The following DNM3 variants were observed in gnomAD, a reference collection of about 807,000 sequenced individuals.
DNM3 encodes the protein dynamin 3.
A neutral mutation model predicts 101.6 loss-of-function variants in DNM3; 47 were observed. The observed-to-expected ratio is 0.46, with a 90% confidence interval of 0.37 to 0.59. DNM3 has a LOEUF of 0.59. Ranked by LOEUF, DNM3 falls within the 20% of genes least tolerant of loss-of-function variation. DNM3 has a pLI of 0.00. For missense variants in DNM3, 849 were observed against 1,085.7 expected (o/e 0.78, Z 3.06); for synonymous variants, 385 against 387.9 (o/e 0.99, Z 0.09).
intron 14 of DNM3, among the ~76,000 whole-genome samples, chr1:172,183,330 T>G (rs2059411498): frequency 6.6e-6 from 1 of 152,118 alleles, no homozygotes; most frequent in African/African-American, 2.4e-5. Context: ...GGATATAATA[T>G]CATGATGTTG....
intron 2 of DNM3, among the ~76,000 whole-genome samples, chr1:171,934,813 C>T (rs1223461347): frequency 6.6e-6 from 1 of 152,148 alleles, no homozygotes. Flanking sequence ...AGGCTCAGGA[C>T]AGATACTATG....
In DNM3 at chr1:171,914,498, T is replaced by A. The variant is rs541304314; in HGVS notation, c.162-7250T>A. Reference sequence around the variant, plus strand: ...TAAGGAAAAAAATTTTAAAAATATATTGGTTCTGGATTTTTTTTTAAATTT... The same window carrying A: ...TAAGGAAAAAAATTTTAAAAATATAATGGTTCTGGATTTTTTTTTAAATTT... On this transcript the variant is annotated intron_variant, in intron 1 of 20. Transcript: ENST00000627582. Among the ~76,000 whole-genome samples the A allele has an allele frequency of 1.4e-4, 21 of 152,326 alleles. No individual in the cohort carries two copies. In the East Asian group the frequency reaches 4.0e-3, roughly 29 times the overall value.
chr1:172,106,847 C>A (rs367827466), intron 13 of DNM3, among the ~76,000 whole-genome samples: 1 of 67,960 alleles, frequency 1.5e-5, no homozygotes, highest in South Asian at 8.0e-4. Context: ...TAACATTATT[C>A]TTTTTTTTTT....
intron 14 of DNM3, among the ~76,000 whole-genome samples, chr1:172,132,576 G>T (rs914164925): frequency 1.3e-5 from 2 of 152,064 alleles, no homozygotes; most frequent in African/African-American, 4.8e-5. Context: ...CTAAATAGAT[G>T]ATCTTCTTTG....
rs555635272 is a variant in DNM3 at position 171,971,778 on chromosome 1, A to G, written c.236-15878A>G. ...AGCCAACACAGGTTTTGGGAAATTG[A>G]AAATATAATATTTTCATGGTATTAA... is the stretch of plus-strand genomic sequence containing the variant. On this transcript the variant is annotated intron_variant, in intron 2 of 20. Transcript: ENST00000627582. Among the ~76,000 whole-genome samples, 22 of 152,324 alleles carry G rather than the reference A, an allele frequency of 1.4e-4. No individual in the cohort carries two copies. The South Asian group carries it at 4.6e-3, about 32-fold the overall frequency.
At chr1:171,989,246 A>C in intron 4 of DNM3, 98 bp downstream of exon 4, 1 of 1,049,136 alleles carries the variant, frequency 9.5e-7, no homozygotes, top group Non-Finnish European at 1.3e-6. Context: ...TTTCATTATA[A>C]ATAAATTAGC....
chr1:172,041,545 C>G (rs2049389055), intron 7 of DNM3, among the ~76,000 whole-genome samples: 1 of 152,026 alleles, frequency 6.6e-6, no homozygotes, highest in South Asian at 2.1e-4. Flanking sequence ...TCTCAATAGC[C>G]CTTGAAGCTA....
chr1:172,299,904 T>G (rs2064355075), intron 15 of DNM3, among the ~76,000 whole-genome samples: 2 of 152,234 alleles, frequency 1.3e-5, no homozygotes. Context: ...ACATACCCAG[T>G]AATGGAATTG....
intron 15 of DNM3, among the ~76,000 whole-genome samples, chr1:172,258,229 G>C (rs894313525): frequency 6.6e-6 from 1 of 151,836 alleles, no homozygotes; most frequent in Admixed American, 6.6e-5. Flanking sequence ...ATTGTAAATA[G>C]TACTACAATA....
At chr1:172,289,567 C>T (rs569288539) in intron 15 of DNM3, 1 of 949,708 alleles carries the variant, frequency 1.1e-6, no homozygotes, top group South Asian at 4.9e-5. Context: ...TGGTTCTCCA[C>T]ATTAATTCTT....
chr1:172,246,285 G>C (rs2061951022), intron 14 of DNM3, among the ~76,000 whole-genome samples: 1 of 152,106 alleles, frequency 6.6e-6, no homozygotes, highest in South Asian at 2.1e-4. Context: ...GTGAGAAGAT[G>C]AGTTTAATGG....
intron 1 of DNM3, among the ~76,000 whole-genome samples, chr1:171,896,387 T>G (rs1241329342): frequency 6.6e-6 from 1 of 152,230 alleles, no homozygotes; most frequent in African/African-American, 2.4e-5. Flanking sequence ...GGGTATTTTA[T>G]TCTCTTTGAA....
chr1:172,120,781 C>A (rs1199618751), intron 13 of DNM3, among the ~76,000 whole-genome samples: 1 of 152,216 alleles, frequency 6.6e-6, no homozygotes, highest in Non-Finnish European at 1.5e-5. Flanking sequence ...TTACATTTAT[C>A]TGTGTGAGAC....
chr1:172,079,780 T>A (rs2052984343), intron 11 of DNM3, among the ~76,000 whole-genome samples: 1 of 152,188 alleles, frequency 6.6e-6, no homozygotes, highest in Non-Finnish European at 1.5e-5. Context: ...TGGTCTTTGA[T>A]GTTGGTAAGC....
chr1:171,991,309 C>T (rs1442055519), intron 4 of DNM3, among the ~76,000 whole-genome samples: 1 of 152,146 alleles, frequency 6.6e-6, no homozygotes, highest in Non-Finnish European at 1.5e-5. Flanking sequence ...ATGACCCCCA[C>T]TTCTGATGCC....
At chr1:172,129,470 GA>G (rs1330492508) in intron 13 of DNM3, among the ~76,000 whole-genome samples, 1 of 151,714 alleles carries the variant, frequency 6.6e-6, no homozygotes, top group Non-Finnish European at 1.5e-5. Context: ...TCATGCTGCT[GA>G]TAAAGACATA....
chr1:172,154,457 G>T (rs913456536), intron 14 of DNM3, among the ~76,000 whole-genome samples: 1 of 152,046 alleles, frequency 6.6e-6, no homozygotes. Flanking sequence ...AGTTTATTTA[G>T]ATGTGTGTTT....
intron 16 of DNM3, among the ~76,000 whole-genome samples, chr1:172,315,707 G>A (rs1049243296): frequency 6.6e-5 from 10 of 152,208 alleles, no homozygotes; most frequent in East Asian, 1.9e-4. Flanking sequence ...AAAAAGAAAC[G>A]AACAAAGCCT....
At chr1:171,993,680 CCTCTT>C (rs1020368642) in intron 4 of DNM3, among the ~76,000 whole-genome samples, 13 of 151,990 alleles carry the variant, frequency 8.6e-5, no homozygotes, top group African/African-American at 2.4e-4. Context: ...CTCTTTCTCT[CCTCTT>C]CTCTTTCTGA....
Sources: allele counts gnomAD v4.1 joint callset (sites outside exome capture counted in the v4.1 genomes callset), GRCh38; gene constraint gnomAD v4.1.1; transcripts MANE v1.5; gene names NCBI Gene and HGNC (gene_info 2026-07-23, HGNC 2026-07-21).